The following KLHL1 variants were observed in gnomAD, a reference collection of about 807,000 sequenced individuals.
KLHL1 encodes the protein kelch-like protein 1.
KLHL1 carries 47 observed loss-of-function variants against 77.7 expected under a neutral mutation model. The ratio of observed to expected loss-of-function variants is 0.60; its 90% CI spans 0.48 to 0.77. KLHL1 has a LOEUF of 0.77. Among genes scored for constraint, KLHL1 ranks in the 30% least tolerant of loss-of-function variants. The pLI, the probability that KLHL1 is intolerant of heterozygous loss-of-function variation, is 0.00. For missense variants in KLHL1, 925 were observed against 910.8 expected (o/e 1.02, Z -0.20); for synonymous variants, 360 against 325.2 (o/e 1.11, Z -1.15).
chr13:69,703,904 A>G (rs1875514437), intron 10 of KLHL1, among the ~76,000 whole-genome samples: 1 of 151,622 alleles, frequency 6.6e-6, no homozygotes, highest in Non-Finnish European at 1.5e-5. Flanking sequence ...CACAATGATG[A>G]AATTGCCTAA....
intron 8 of KLHL1, among the ~76,000 whole-genome samples, chr13:69,722,037 C>G (rs1367280932): frequency 6.6e-6 from 1 of 151,910 alleles, no homozygotes; most frequent in East Asian, 1.9e-4. Context: ...TGGAATAACC[C>G]TAAGATATTA....
intron 1 of KLHL1, among the ~76,000 whole-genome samples, chr13:70,028,990 A>T: frequency 6.6e-6 from 1 of 151,874 alleles, no homozygotes; most frequent in Admixed American, 6.6e-5. Context: ...AAAAAAAAAA[A>T]AAAATCACTA....
intron 1 of KLHL1, among the ~76,000 whole-genome samples, chr13:70,005,003 A>G (rs559098755): frequency 6.6e-6 from 1 of 151,838 alleles, no homozygotes; most frequent in South Asian, 2.1e-4. Flanking sequence ...CAATGTCATA[A>G]TTGTAACGTA....
intron 7 of KLHL1, among the ~76,000 whole-genome samples, chr13:69,749,206 A>C (rs1424929723): frequency 6.6e-6 from 1 of 152,012 alleles, no homozygotes; most frequent in Non-Finnish European, 1.5e-5. Flanking sequence ...ACTACTTCCT[A>C]ATGGTTACTA....
At chr13:69,983,406 TA>T (rs919306933) in intron 1 of KLHL1, among the ~76,000 whole-genome samples, 1 of 151,506 alleles carries the variant, frequency 6.6e-6, no homozygotes, top group African/African-American at 2.4e-5. Flanking sequence ...CCATTTTGAG[TA>T]AAAAAGTAAA....
At chr13:69,792,141 G>C (rs1395685623) in intron 7 of KLHL1, among the ~76,000 whole-genome samples, 1 of 151,974 alleles carries the variant, frequency 6.6e-6, no homozygotes, top group African/African-American at 2.4e-5. Context: ...TCATAGAATG[G>C]GAGAAAATAT....
chr13:70,088,685 T>C (rs2137439093), intron 1 of KLHL1, among the ~76,000 whole-genome samples: 1 of 152,176 alleles, frequency 6.6e-6, no homozygotes, highest in East Asian at 1.9e-4. Flanking sequence ...CCCTGTCTCA[T>C]AAACAAACAA....
In KLHL1 at chr13:70,107,804, C is replaced by A. The variant is rs966717808; in HGVS notation, c.-105G>T. ...CGGGGGCGGAGGAAGAGGCGGGATG[C>A]GCCCTCTGCACCCCTAGAGCCAGAA... is the stretch of plus-strand genomic sequence containing the variant. On this transcript the variant is annotated 5_prime_UTR_variant, in exon 1 of 11. Transcript: ENST00000377844. 153 of 836,400 alleles carry A rather than the reference C, an allele frequency of 1.8e-4. No individual in the cohort carries two copies. In the Middle Eastern group the frequency reaches 2.2e-3, roughly 12 times the overall value. The allele number at this position is 836,400 out of a possible 1,614,324, so 51.8% of individuals were successfully genotyped here.
chr13:69,783,155 C>A (rs1306872194), intron 7 of KLHL1, among the ~76,000 whole-genome samples: 2 of 152,046 alleles, frequency 1.3e-5, no homozygotes, highest in Admixed American at 6.5e-5. Context: ...GAAAGGACAT[C>A]CACAACAAAA....
chr13:69,983,576 C>CAA (rs1282357751), intron 1 of KLHL1, among the ~76,000 whole-genome samples: 21 of 40,740 alleles, frequency 5.2e-4, no homozygotes, highest in Admixed American at 7.3e-4. Context: ...CCTATCTTTA[C>CAA]AAAAAAAAAA....
chr13:69,846,559 A>G (rs1265625572), intron 5 of KLHL1, among the ~76,000 whole-genome samples: 1 of 151,482 alleles, frequency 6.6e-6, no homozygotes, highest in Non-Finnish European at 1.5e-5. Flanking sequence ...TTTTCTTTTC[A>G]CATACTCTTC....
chr13:69,707,489 C>T (rs1875676621), intron 10 of KLHL1, 136 bp downstream of exon 10: 1 of 696,832 alleles, frequency 1.4e-6, no homozygotes, highest in Non-Finnish European at 2.2e-6. Flanking sequence ...ACAAAATCAA[C>T]ACAATATTGG....
At chr13:70,018,483 T>A (rs933130279) in intron 1 of KLHL1, among the ~76,000 whole-genome samples, 21 of 152,182 alleles carry the variant, frequency 1.4e-4, no homozygotes, top group Admixed American at 1.4e-3. Context: ...CTGAAATCTA[T>A]GAAGATTAGT....
chr13:69,790,167 C>T (rs981178386), intron 7 of KLHL1, among the ~76,000 whole-genome samples: 54 of 152,148 alleles, frequency 3.5e-4, no homozygotes, highest in Admixed American at 1.3e-4. Flanking sequence ...ATAAAAGCAA[C>T]CTCTTATAGT....
chr13:69,864,860 A>G (rs1162539195), intron 5 of KLHL1, among the ~76,000 whole-genome samples: 1 of 152,166 alleles, frequency 6.6e-6, no homozygotes, highest in Non-Finnish European at 1.5e-5. Context: ...AGGGTGTTAA[A>G]ACAGAGTGCT....
intron 4 of KLHL1, among the ~76,000 whole-genome samples, chr13:69,906,184 A>G (rs1208461062): frequency 6.6e-6 from 1 of 152,064 alleles, no homozygotes; most frequent in Non-Finnish European, 1.5e-5. Context: ...GATTCACCTA[A>G]TAAGTATTGG....
intron 6 of KLHL1, among the ~76,000 whole-genome samples, chr13:69,814,856 C>T (rs1285772425): frequency 6.6e-6 from 1 of 151,638 alleles, no homozygotes; most frequent in African/African-American, 2.4e-5. Context: ...ACTAAAAATA[C>T]AAAAATTAGC....
chr13:70,011,953 G>A (rs958425614), intron 1 of KLHL1, among the ~76,000 whole-genome samples: 1 of 152,188 alleles, frequency 6.6e-6, no homozygotes, highest in African/African-American at 2.4e-5. Flanking sequence ...GGAGGAGCCA[G>A]TCATGTCTTA....
chr13:70,089,229 G>A (rs2137439788), intron 1 of KLHL1, among the ~76,000 whole-genome samples: 1 of 152,220 alleles, frequency 6.6e-6, no homozygotes, highest in East Asian at 1.9e-4. Flanking sequence ...GCTGACTAAT[G>A]CCAGATGCTT....
Sources: gnomAD v4.1 joint callset for allele counts (sites outside exome capture counted in the v4.1 genomes callset) on GRCh38, gnomAD v4.1.1 for gene constraint, MANE v1.5 for transcripts, NCBI Gene and HGNC (gene_info 2026-07-23, HGNC 2026-07-21) for gene names.